Variants in NIBAN1 observed in about 807,000 individuals in gnomAD.
NIBAN1 encodes the protein protein Niban 1.
Under a neutral mutation model 75.1 loss-of-function variants are expected in NIBAN1, and 81 were observed. The observed-to-expected ratio is 1.08, with a 90% CI of 0.90 to 1.30. The LOEUF is 1.30. Ranked by LOEUF, NIBAN1 falls within the 50% of genes most tolerant of loss-of-function variation. The pLI, the probability that NIBAN1 is intolerant of heterozygous loss-of-function variation, is 0.00. For synonymous variants in NIBAN1, 436 were observed against 424.8 expected (o/e 1.03, Z -0.32); for missense variants, 1,133 against 1,128.1 (o/e 1.00, Z -0.06).
chr1:184,872,254 G>A (rs1438049140), intron 5 of NIBAN1, among the ~76,000 whole-genome samples: 1 of 150,976 alleles, frequency 6.6e-6, no homozygotes, highest in East Asian at 1.9e-4. Context: ...ATAATTAATA[G>A]AAATGAAAAA....
intron 3 of NIBAN1, among the ~76,000 whole-genome samples, chr1:184,892,241 A>T (rs1656686817): frequency 6.6e-6 from 1 of 152,196 alleles, no homozygotes; most frequent in South Asian, 2.1e-4. Context: ...GCTTCCGTAC[A>T]TTCATTCACT....
chr1:184,797,646 T>C (rs2102179096), intron 13 of NIBAN1, among the ~76,000 whole-genome samples: 1 of 152,154 alleles, frequency 6.6e-6, no homozygotes, highest in East Asian at 1.9e-4. Context: ...GAATTGCCTC[T>C]TCTCAGCTTT....
chr1:184,807,049 C>T (rs1443624944), intron 10 of NIBAN1, among the ~76,000 whole-genome samples: 3 of 152,122 alleles, frequency 2.0e-5, no homozygotes, highest in Admixed American at 6.5e-5. Flanking sequence ...GGATTACAGG[C>T]GTGAGCCACT....
chr1:184,919,686 C>G (rs542043909), intron 1 of NIBAN1, among the ~76,000 whole-genome samples: 1 of 152,060 alleles, frequency 6.6e-6, no homozygotes, highest in East Asian at 1.9e-4. Context: ...TTGGACTTGT[C>G]TCTATTAGGG....
At chr1:184,827,995 G>A (rs1261377929) in intron 6 of NIBAN1, among the ~76,000 whole-genome samples, 2 of 137,262 alleles carry the variant, frequency 1.5e-5, no homozygotes, top group Non-Finnish European at 3.1e-5. Flanking sequence ...AAACTGTTCT[G>A]TGGGAATTAT....
At chr1:184,934,339 G>A (rs1351221280) in intron 1 of NIBAN1, among the ~76,000 whole-genome samples, 1 of 151,636 alleles carries the variant, frequency 6.6e-6, no homozygotes, top group East Asian at 1.9e-4. Flanking sequence ...AAGGGAGGAG[G>A]GCAAGTGTTA....
intron 5 of NIBAN1, among the ~76,000 whole-genome samples, chr1:184,884,391 A>AT (rs1656457140): frequency 1.3e-5 from 2 of 151,248 alleles, no homozygotes; most frequent in South Asian, 2.1e-4. Context: ...GTCCAGCTAT[A>AT]TTTTTTTGTA....
At chr1:184,815,681 A>T (rs1476989262) in intron 9 of NIBAN1, among the ~76,000 whole-genome samples, 11 of 152,344 alleles carry the variant, frequency 7.2e-5, no homozygotes, top group Admixed American at 6.5e-4. Context: ...CTTATACATG[A>T]ATAGCCTTAT....
chr1:184,852,187 T>C (rs961619760), intron 5 of NIBAN1, among the ~76,000 whole-genome samples: 5 of 151,254 alleles, frequency 3.3e-5, no homozygotes, highest in African/African-American at 4.9e-5. Flanking sequence ...TTGTTTGGTG[T>C]GGTTTACTCA....
chr1:184,796,031 T>G lies in NIBAN1; in HGVS notation c.1733A>C (p.Glu578Ala), dbSNP rs372177479. Reference sequence around the variant, plus strand: ...TAGATCTGTTAAGCTGGACACACTTTCACTGGGCAAGGCCATGTTATCTTC... The same window carrying G: ...TAGATCTGTTAAGCTGGACACACTTGCACTGGGCAAGGCCATGTTATCTTC... ...LFEDNMALPS[E>A]SVSSLTDLKP... is the part of the protein sequence containing the mutation. Residue 578 changes from glutamate (E) to alanine (A), a missense_variant, in exon 14 of 14, where the codon GAA becomes GCA. Coordinates refer to ENST00000367511, the MANE Select transcript of NIBAN1 (RefSeq NM_052966.4). 6.2e-7 allele frequency: 1 copy of G among 1,609,068 alleles called. No homozygotes were observed. Among genetic ancestry groups the G allele is most frequent in the Non-Finnish European group, 8.5e-7 (1 of 1,179,124 alleles).
chr1:184,806,695 A>G (rs916053415), intron 10 of NIBAN1, among the ~76,000 whole-genome samples: 1 of 149,732 alleles, frequency 6.7e-6, no homozygotes, highest in Admixed American at 6.7e-5. Flanking sequence ...CCTGCCCATA[A>G]CCTTTATGAA....
At chr1:184,950,754 T>C (rs1334746578) in intron 1 of NIBAN1, among the ~76,000 whole-genome samples, 1 of 152,100 alleles carries the variant, frequency 6.6e-6, no homozygotes, top group Non-Finnish European at 1.5e-5. Context: ...AAGAAGACAA[T>C]AATCGACATA....
intron 3 of NIBAN1, among the ~76,000 whole-genome samples, chr1:184,893,773 C>A (rs149880587): frequency 6.6e-5 from 10 of 152,330 alleles, no homozygotes; most frequent in African/African-American, 2.2e-4. Context: ...TTCATACTCA[C>A]TTGCAATCAC....
rs1056844270 is a variant in NIBAN1 at position 184,922,945 on chromosome 1, C to T, written c.56-23636G>A. ...GTTTCTTATAGAGTTGTTTAAGCTTCTTATACATTCTGGTTATCAGCCCCT... is the reference window on the plus strand; with the variant it reads ...GTTTCTTATAGAGTTGTTTAAGCTTTTTATACATTCTGGTTATCAGCCCCT... On this transcript the variant is annotated intron_variant, in intron 1 of 13. Transcript: ENST00000367511. 2.0e-5 allele frequency among the ~76,000 whole-genome samples: 3 copies of T among 152,110 alleles called. No homozygotes were observed. The East Asian group carries it at 5.8e-4, about 29-fold the overall frequency.
chr1:184,961,405 G>A lies in NIBAN1; in HGVS notation c.55+12897C>T, dbSNP rs142483130. 3.3e-5 allele frequency among the ~76,000 whole-genome samples: 5 copies of A among 151,974 alleles called. No homozygotes were observed. The East Asian group carries it at 5.8e-4, about 18-fold the overall frequency. ...CTTTCTAACCAAAATATACTCCCCC[G>A]GTTCTTCACACAGATAGCAACTTAT... On this transcript the variant is annotated intron_variant, in intron 1 of 13. Coordinates refer to ENST00000367511, the MANE Select transcript of NIBAN1 (RefSeq NM_052966.4).
intron 1 of NIBAN1, among the ~76,000 whole-genome samples, chr1:184,949,573 G>C (rs745921865): frequency 7.9e-5 from 12 of 152,050 alleles, no homozygotes; most frequent in Non-Finnish European, 1.8e-4. Flanking sequence ...ACCCAAACAT[G>C]GGCTGCCCCA....
intron 9 of NIBAN1, 49 bp from the exon 10 acceptor site, chr1:184,808,284 GTATTGCATATA>G (rs1654266636): frequency 6.4e-7 from 1 of 1,565,916 alleles, no homozygotes; most frequent in African/African-American, 1.4e-5. Context: ...ATGAGGAGCG[GTATTGCATATA>G]TATTGCATAT....
chr1:184,846,063 G>T lies in NIBAN1; in HGVS notation c.602-14101C>A, dbSNP rs1279002414. On this transcript the variant is annotated intron_variant, in intron 5 of 13. Transcript: ENST00000367511. ...GGCTGGGGGAGGGGCACCCGCCATT[G>T]CCCAGGCTTGCTTAGGTAAACAAAG... is the stretch of plus-strand genomic sequence containing the variant. 2.3e-5 allele frequency among the ~76,000 whole-genome samples: 2 copies of T among 85,368 alleles called. 1 individual carries two copies. Among genetic ancestry groups the T allele is most frequent in the Non-Finnish European group, 4.7e-5 (2 of 42,338 alleles). 56.0% of individuals were successfully genotyped at this position (85,368 alleles called of 152,430 possible). A position where few individuals can be genotyped will look rare whatever the true frequency, so the allele number is the denominator to read the frequency against.
intron 9 of NIBAN1, 39 bp downstream of exon 9, chr1:184,818,599 C>G (rs753173163): frequency 6.6e-7 from 1 of 1,513,248 alleles, no homozygotes; most frequent in Admixed American, 1.9e-5. Context: ...CACAGCCAGG[C>G]AGACCATTCA....
Sources: gnomAD v4.1 joint callset for allele counts (sites outside exome capture counted in the v4.1 genomes callset) on GRCh38, gnomAD v4.1.1 for gene constraint, MANE v1.5 for transcripts, NCBI Gene and HGNC (gene_info 2026-07-23, HGNC 2026-07-21) for gene names.